GABRG2: variants seen among roughly 807,000 people sequenced by gnomAD.
The protein encoded by GABRG2 is gamma-aminobutyric acid receptor subunit gamma-2.
A neutral mutation model predicts 56.4 loss-of-function variants in GABRG2; 16 were observed. The ratio of observed to expected loss-of-function variants is 0.28; its 90% CI spans 0.19 to 0.43. GABRG2 has a LOEUF of 0.43. GABRG2 is among the 20% of genes least tolerant of loss of function. The pLI is 1.00. For missense variants in GABRG2, 327 were observed against 582.7 expected (o/e 0.56, Z 4.52); for synonymous variants, 208 against 205.5 (o/e 1.01, Z -0.10).
rs1758326478 is a variant in GABRG2 at position 162,067,777 on chromosome 5, G to C, written c.-223G>C. On this transcript the variant is annotated 5_prime_UTR_variant, in exon 1 of 10. Transcript: ENST00000639213. ...CCCCCAGACTTGGAAGCCGCTGCCA[G>C]AGTGACGCTTTGATGGTATCTGCAA... 1 of 610,976 alleles carries C rather than the reference G, an allele frequency of 1.6e-6. No individual in the cohort carries two copies. The highest frequency in any genetic ancestry group is 2.9e-6 in the Non-Finnish European group (1 of 346,292). 37.8% of individuals were successfully genotyped at this position (610,976 alleles called of 1,614,324 possible).
intron 3 of GABRG2, among the ~76,000 whole-genome samples, chr5:162,096,681 C>CAGAACA (rs1761019536): frequency 6.7e-6 from 1 of 150,366 alleles, no homozygotes. Flanking sequence ...GGAAAGAAAA[C>CAGAACA]AGAACAATGT....
At chr5:162,114,109 A>G (rs1762442585) in intron 6 of GABRG2, among the ~76,000 whole-genome samples, 1 of 152,276 alleles carries the variant, frequency 6.6e-6, no homozygotes, top group East Asian at 1.9e-4. Context: ...TTTTCATGGG[A>G]AATTTAAAAG....
rs1314672974 is a variant in GABRG2 at position 162,093,853 on chromosome 5, G to A, written c.133G>A (p.Asp45Asn). ...CTTCACTAGCCAGAAATCTGATGAT[G>A]ACTATGAAGATTATGCTTCTAACAA... ...PGFTSQKSDD[D>N]YEDYASNKTW... is the part of the protein sequence containing the mutation. Residue 45 changes from aspartate (D) to asparagine (N), a missense_variant, in exon 2 of 10, where the codon GAC becomes AAC. This residue lies in a region of GABRG2 where 73 missense variants were observed against 72.2 expected (regional missense o/e 1.01). Transcript: ENST00000639213. The A allele has an allele frequency of 6.2e-7, 1 of 1,613,106 alleles. No individual in the cohort carries two copies. The highest frequency in any genetic ancestry group is 8.5e-7 in the Non-Finnish European group (1 of 1,179,422).
intron 7 of GABRG2, among the ~76,000 whole-genome samples, chr5:162,143,338 CAT>C (rs764944139): frequency 6.6e-6 from 1 of 151,710 alleles, no homozygotes; most frequent in Non-Finnish European, 1.5e-5. Flanking sequence ...TTTGAGAAAA[CAT>C]ATTTACCTGT....
chr5:162,135,445 T>A (rs1764052506), intron 6 of GABRG2, among the ~76,000 whole-genome samples: 1 of 152,222 alleles, frequency 6.6e-6, no homozygotes, highest in African/African-American at 2.4e-5. Flanking sequence ...CATTTATTTA[T>A]GTAACAAATA....
At chr5:162,111,438 T>C (rs1366533234) in intron 6 of GABRG2, among the ~76,000 whole-genome samples, 4 of 152,126 alleles carry the variant, frequency 2.6e-5, no homozygotes, top group Non-Finnish European at 4.4e-5. Flanking sequence ...GGAGATGGCA[T>C]AGAGAAGTTC....
intron 7 of GABRG2, among the ~76,000 whole-genome samples, chr5:162,147,317 C>T (rs1765035597): frequency 6.8e-6 from 1 of 146,654 alleles, no homozygotes; most frequent in African/African-American, 2.5e-5. Context: ...TTCCTTCCTT[C>T]CTTCCTTCCT....
rs189335396 is a variant in GABRG2 at position 162,146,106 on chromosome 5, T to C, written c.923-3002T>C. ...ACCACTCCCAGTTTGTAGATGAGGA[T>C]CTCAAACCTCCCTAAGGTTCTACCA... is the stretch of plus-strand genomic sequence containing the variant. On this transcript the variant is annotated intron_variant, in intron 7 of 9. Transcript: ENST00000639213. 5.4e-3 allele frequency among the ~76,000 whole-genome samples: 829 copies of C among 152,140 alleles called. 10 individuals are homozygous for C. Among genetic ancestry groups the C allele is most frequent in the African/African-American group, 0.019 (785 of 41,432 alleles).
chr5:162,129,993 T>C (rs1393206089), intron 6 of GABRG2, among the ~76,000 whole-genome samples: 1 of 151,950 alleles, frequency 6.6e-6, no homozygotes, highest in Non-Finnish European at 1.5e-5. Context: ...AATTGGAAGC[T>C]AGGTCTGCTG....
chr5:162,133,752 G>T (rs968589361), intron 6 of GABRG2, among the ~76,000 whole-genome samples: 1 of 152,048 alleles, frequency 6.6e-6, no homozygotes, highest in Admixed American at 6.6e-5. Context: ...TGCATAAAGA[G>T]AATTTTCTAG....
At chr5:162,096,702 AAAG>A in intron 3 of GABRG2, among the ~76,000 whole-genome samples, 3 of 151,970 alleles carry the variant, frequency 2.0e-5, no homozygotes, top group Admixed American at 2.0e-4. Context: ...GATTGAGGCA[AAAG>A]ACTCAGGCCT....
intron 6 of GABRG2, among the ~76,000 whole-genome samples, chr5:162,107,222 G>T (rs1411612243): frequency 6.6e-6 from 1 of 152,004 alleles, no homozygotes; most frequent in Non-Finnish European, 1.5e-5. Flanking sequence ...TTGATACATG[G>T]TTTTTTAATG....
At chr5:162,137,302 G>GT (rs1307680311) in intron 6 of GABRG2, among the ~76,000 whole-genome samples, 1 of 152,120 alleles carries the variant, frequency 6.6e-6, no homozygotes, top group African/African-American at 2.4e-5. Flanking sequence ...AATAAAATAT[G>GT]TTTTTTATAT....
chr5:162,071,551 C>A (rs1241805211), intron 1 of GABRG2, among the ~76,000 whole-genome samples: 3 of 151,836 alleles, frequency 2.0e-5, no homozygotes, highest in African/African-American at 7.2e-5. Context: ...TTATCTGCTA[C>A]CTAAACAAAG....
At chr5:162,094,887 G>A (rs558259212) in intron 2 of GABRG2, 1 of 152,466 alleles carries the variant, frequency 6.6e-6, no homozygotes, top group South Asian at 2.1e-4. Flanking sequence ...GGTACATAAT[G>A]GGTTTCCATA....
At position 162,091,363 on chromosome 5, in the gene GABRG2, G is replaced by A. The variant is rs114859259; in HGVS notation, c.108-2465G>A. Among the ~76,000 whole-genome samples, 784 of 151,926 alleles carry A rather than the reference G, an allele frequency of 5.2e-3. 6 individuals are homozygous for A. The highest frequency in any genetic ancestry group is 0.018 in the African/African-American group (731 of 41,470). On this transcript the variant is annotated intron_variant, in intron 1 of 9. Coordinates refer to ENST00000639213, the MANE Select transcript of GABRG2 (RefSeq NM_198904.4). ...AATTAATAATATAATAATTGTCATG[G>A]ACTTATTTTCAGTACTGCGTGTTAG...
chr5:162,081,507 A>T (rs1030675240), intron 1 of GABRG2, among the ~76,000 whole-genome samples: 1 of 151,992 alleles, frequency 6.6e-6, no homozygotes. Context: ...AACAACAACT[A>T]CAAAATCCTT....
intron 6 of GABRG2, among the ~76,000 whole-genome samples, chr5:162,108,183 A>C (rs139204076): frequency 6.6e-6 from 1 of 152,274 alleles, no homozygotes; most frequent in African/African-American, 2.4e-5. Context: ...CAGAAACTCA[A>C]GTGGTCTGCT....
chr5:162,101,373 G>T (rs1761404070), intron 5 of GABRG2, 56 bp downstream of exon 5: 1 of 1,150,734 alleles, frequency 8.7e-7, no homozygotes, highest in Admixed American at 1.7e-5. Flanking sequence ...CTTTCTGATT[G>T]CCATGTTAAT....
Sources: allele counts gnomAD v4.1 joint callset (sites outside exome capture counted in the v4.1 genomes callset), GRCh38; gene constraint gnomAD v4.1.1; regional missense constraint gnomAD v4.1.1; transcripts MANE v1.5; gene names NCBI Gene and HGNC (gene_info 2026-07-23, HGNC 2026-07-21).